Variants in TMA16 observed in about 807,000 individuals in gnomAD.
TMA16 encodes the protein translation machinery associated 16 homolog.
Under a neutral mutation model 27.1 loss-of-function variants are expected in TMA16, and 26 were observed. The ratio of observed to expected loss-of-function variants is 0.96; its 90% CI spans 0.70 to 1.33. The LOEUF (loss-of-function observed/expected upper bound fraction) is 1.33. Among genes scored for constraint, TMA16 ranks in the 40% most tolerant of loss-of-function variants. TMA16 has a pLI of 0.00. For synonymous variants in TMA16, 71 were observed against 81.9 expected, an observed-to-expected ratio of 0.87 and a Z score of 0.72; for missense variants, 233 against 241.4, an observed-to-expected ratio of 0.97 and a Z score of 0.23.
chr4:163,517,793 G>A (rs929122589), intron 6 of TMA16, among the ~76,000 whole-genome samples: 2 of 152,014 alleles, frequency 1.3e-5, no homozygotes, highest in African/African-American at 2.4e-5. Context: ...AGCAACAGAC[G>A]TGATGGCTCA....
intron 3 of TMA16, 148 bp from the exon 4 acceptor site, chr4:163,513,926 G>A (rs972504513): frequency 3.5e-5 from 17 of 486,150 alleles, no homozygotes; most frequent in Non-Finnish European, 5.3e-5. Context: ...GGTTTAATTA[G>A]CTTTGAGCCC....
At chr4:163,505,764 G>A (rs1737710777) in intron 1 of TMA16, among the ~76,000 whole-genome samples, 1 of 152,092 alleles carries the variant, frequency 6.6e-6, no homozygotes, top group South Asian at 2.1e-4. Flanking sequence ...CAGGGGAGAG[G>A]GACTTTACTA....
chr4:163,516,325 G>A (rs1483581405), intron 5 of TMA16, among the ~76,000 whole-genome samples: 3 of 152,216 alleles, frequency 2.0e-5, no homozygotes, highest in Non-Finnish European at 4.4e-5. Flanking sequence ...GTTTTGATAA[G>A]ATTTTGAGAA....
intron 4 of TMA16, 150 bp downstream of exon 4, chr4:163,514,308 G>T (rs1737844017): frequency 3.2e-6 from 2 of 623,114 alleles, no homozygotes; most frequent in South Asian, 5.7e-5. Flanking sequence ...CACTATAGGA[G>T]GTTTGTAACC....
intron 1 of TMA16, among the ~76,000 whole-genome samples, chr4:163,499,982 A>G (rs1255736356): frequency 1.3e-5 from 2 of 152,126 alleles, no homozygotes; most frequent in African/African-American, 4.8e-5. Flanking sequence ...ACTTTGTTAC[A>G]TAATATACAC....
In TMA16 at chr4:163,519,540, A is replaced by G; in HGVS notation, c.*26A>G. ...TTGTCTTCACTTGAATTGAAAATAA[A>G]TAATTTGAGAGCTTCAAATTATATT... is the stretch of plus-strand genomic sequence containing the variant. On this transcript the variant is annotated 3_prime_UTR_variant, in exon 7 of 7. Coordinates refer to ENST00000358572, the MANE Select transcript of TMA16 (RefSeq NM_018352.3). 6.6e-7 allele frequency: 1 copy of G among 1,517,636 alleles called. No homozygotes were observed. The allele number at this position is 1,517,636 out of a possible 1,614,324, so 94.0% of individuals were successfully genotyped here.
intron 1 of TMA16, among the ~76,000 whole-genome samples, chr4:163,504,000 G>T (rs1014352224): frequency 2.6e-5 from 4 of 152,092 alleles, no homozygotes; most frequent in Admixed American, 1.3e-4. Context: ...AGTCTTGAAG[G>T]TTCTTTAGCC....
At chr4:163,512,230 C>G (rs1737810312) in intron 2 of TMA16, among the ~76,000 whole-genome samples, 1 of 151,950 alleles carries the variant, frequency 6.6e-6, no homozygotes, top group Non-Finnish European at 1.5e-5. Context: ...TGGCTGTATC[C>G]TTTGGGGCTA....
chr4:163,506,489 T>C (rs1457939238), intron 1 of TMA16, among the ~76,000 whole-genome samples: 1 of 152,202 alleles, frequency 6.6e-6, no homozygotes, highest in South Asian at 2.1e-4. Context: ...AAGGCTTCAG[T>C]GGGAAAATGA....
chr4:163,503,897 A>C (rs1383646660), intron 1 of TMA16, among the ~76,000 whole-genome samples: 1 of 152,190 alleles, frequency 6.6e-6, no homozygotes, highest in African/African-American at 2.4e-5. Context: ...TCCTGCCTTG[A>C]GGCAACCTTT....
Position 163,515,368 on chromosome 4 carries a change from A to AGGGACAGG in TMA16, c.296_303dup (p.Gln102GlyfsTer37), listed in dbSNP as rs1737860814. 1.2e-6 allele frequency: 2 copies of AGGGACAGG among 1,613,900 alleles called. No individual in the cohort carries two copies. Among genetic ancestry groups the AGGGACAGG allele is most frequent in the African/African-American group, 2.7e-5 (2 of 74,918 alleles). On this transcript the variant is annotated frameshift_variant, in exon 5 of 7. Coordinates refer to ENST00000358572, the MANE Select transcript of TMA16 (RefSeq NM_018352.3). LOFTEE classifies it high-confidence loss of function. ...GCAGATTGAGTTACATAACAGTATCAGGGACAGGCAGGGGAGGCGGCACTG... is the reference window on the plus strand; with the variant it reads ...GCAGATTGAGTTACATAACAGTATCAGGGACAGGGGGACAGGCAGGGGAGGCGGCACTG...
At chr4:163,495,214 C>T (rs1050190392) in intron 1 of TMA16, among the ~76,000 whole-genome samples, 2 of 152,210 alleles carry the variant, frequency 1.3e-5, no homozygotes, top group Non-Finnish European at 1.5e-5. Context: ...TCGCCTCTTC[C>T]TCGGCGTCCG....
chr4:163,494,701 G>C lies in TMA16; in HGVS notation c.-101G>C. ...GGCGCGGGCTTCTCAGGCGCCACGT[G>C]GGATTCGGCCCGGGTGCTCTTGTGA... On this transcript the variant is annotated 5_prime_UTR_variant, in exon 1 of 7. Transcript: ENST00000358572. The C allele has an allele frequency of 1.3e-6, 2 of 1,541,986 alleles. No individual in the cohort carries two copies. Among genetic ancestry groups the C allele is most frequent in the Non-Finnish European group, 1.8e-6 (2 of 1,117,958 alleles).
At chr4:163,508,406 C>CTA (rs1737746565) in intron 2 of TMA16, among the ~76,000 whole-genome samples, 1 of 152,062 alleles carries the variant, frequency 6.6e-6, no homozygotes, top group Non-Finnish European at 1.5e-5. Flanking sequence ...AATCACTGAC[C>CTA]TATACTATTA....
intron 5 of TMA16, among the ~76,000 whole-genome samples, chr4:163,516,334 A>G (rs905043933): frequency 2.6e-5 from 4 of 152,214 alleles, no homozygotes; most frequent in African/African-American, 4.8e-5. Context: ...AGATTTTGAG[A>G]AGACTAGATA....
chr4:163,515,530 G>T, intron 5 of TMA16, 69 bp downstream of exon 5: 5 of 1,419,728 alleles, frequency 3.5e-6, no homozygotes, highest in South Asian at 3.4e-5. Context: ...TGATTTCAAA[G>T]GTTTTATTTT....
At position 163,519,461 on chromosome 4, in the gene TMA16, G is replaced by T. The variant is rs1737936225; in HGVS notation, c.559G>T (p.Glu187Ter). ...ITVDQDLGELELNDESSDSDE... is the reference protein window; with the variant it reads ...ITVDQDLGEL ...TGTAGACCAAGATTTGGGGGAATTG[G>T]AACTAAACGATGAATCAAGTGATTC... The change falls in exon 7 of 7, where the codon GAA (glutamate) becomes TAA (stop). Residue 187 changes from glutamate (E) to a stop codon, truncating the protein, a stop_gained. Transcript: ENST00000358572. LOFTEE classifies it high-confidence loss of function. 1 of 1,604,340 alleles carries T rather than the reference G, an allele frequency of 6.2e-7. No homozygotes were observed. The highest frequency in any genetic ancestry group is 1.3e-5 in the African/African-American group (1 of 74,330).
In TMA16 at chr4:163,520,213, G is replaced by T; in HGVS notation, c.*699G>T. 1 of 281,332 alleles carries T rather than the reference G, an allele frequency of 3.6e-6. No individual in the cohort carries two copies. The highest frequency in any genetic ancestry group is 6.5e-6 in the Non-Finnish European group (1 of 153,776). 17.4% of individuals were successfully genotyped at this position (281,332 alleles called of 1,614,324 possible). On this transcript the variant is annotated 3_prime_UTR_variant, in exon 7 of 7. Transcript: ENST00000358572. ...TTGTGAAAAGAGGTAGGTTTTATTT[G>T]TGGAGAGAGAGTTGAAGATTAGGGA... is the stretch of plus-strand genomic sequence containing the variant.
intron 3 of TMA16, among the ~76,000 whole-genome samples, chr4:163,513,133 G>A (rs567017526): frequency 1.2e-3 from 186 of 152,266 alleles, no homozygotes; most frequent in Non-Finnish European, 2.2e-3. Flanking sequence ...TCTATCTGAT[G>A]TTTAACTCTA....
Sources: gnomAD v4.1 joint callset for allele counts (sites outside exome capture counted in the v4.1 genomes callset) on GRCh38, gnomAD v4.1.1 for gene constraint, MANE v1.5 for transcripts, NCBI Gene and HGNC (gene_info 2026-07-23, HGNC 2026-07-21) for gene names.